IKBKB: variants seen among roughly 807,000 people sequenced by gnomAD.
The protein encoded by IKBKB is inhibitor of nuclear factor kappa-B kinase subunit beta.
Under a neutral mutation model 113.6 loss-of-function variants are expected in IKBKB, and 42 were observed. The observed-to-expected ratio is 0.37, with a 90% CI of 0.29 to 0.48. The LOEUF is 0.48. Among genes scored for constraint, IKBKB ranks in the 20% least tolerant of loss-of-function variants. The pLI is 0.99. For missense variants in IKBKB, 673 were observed against 939.7 expected, an observed-to-expected ratio of 0.72 and a Z score of 3.71; for synonymous variants, 296 against 361.3, an observed-to-expected ratio of 0.82 and a Z score of 2.05.
rs752596848 is a variant in IKBKB, at chr8:42,318,680, C to T, written c.1364+5C>T. 5.1e-6 allele frequency: 8 copies of T among 1,582,014 alleles called. No individual in the cohort carries two copies. Among genetic ancestry groups the T allele is most frequent in the Admixed American group, 3.8e-5 (2 of 52,480 alleles). ...GCAGGGACAGCGAGCCGCCATGTAG[C>T]GTGCCAGGCTTTTTTTTTAAACTTA... On this transcript the variant is annotated splice_donor_5th_base_variant and intron_variant, in intron 13 of 21. Transcript: ENST00000520810.
chr8:42,323,215 G>A lies in IKBKB; in HGVS notation c.1986+721G>A, dbSNP rs72641475. Among the ~76,000 whole-genome samples the A allele has an allele frequency of 3.2e-3, 480 of 152,344 alleles. 1 individual carries two copies. Among genetic ancestry groups the A allele is most frequent in the Non-Finnish European group, 5.3e-3 (363 of 68,036 alleles). ...TCTAAAGACGCTTTCTCCAAGTACG[G>A]TCACACTCACAGGCTCCAGGAGTTG... On this transcript the variant is annotated intron_variant, in intron 19 of 21. Coordinates refer to ENST00000520810, the MANE Select transcript of IKBKB (RefSeq NM_001556.3).
At chr8:42,329,312 T>C in intron 21 of IKBKB, 98 bp downstream of exon 21, 4 of 1,423,580 alleles carry the variant, frequency 2.8e-6, no homozygotes, top group Non-Finnish European at 3.7e-6. Context: ...ATCCTCAACC[T>C]CAGTGTTTGT....
Position 42,272,855 on chromosome 8 carries a change from G to A in IKBKB, c.105+650G>A, listed in dbSNP as rs534565357. ...CTTGGGAGGCTGAGGCAGGAGAATC[G>A]CTTGAACCCATGAGGCGGAGGTTGC... is the stretch of plus-strand genomic sequence containing the variant. On this transcript the variant is annotated intron_variant, in intron 2 of 21. Transcript: ENST00000520810. Among the ~76,000 whole-genome samples, 5 of 147,874 alleles carry A rather than the reference G, an allele frequency of 3.4e-5. No homozygotes were observed. In the East Asian group the frequency reaches 6.0e-4, roughly 18 times the overall value.
At position 42,321,918 on chromosome 8, in the gene IKBKB, T is replaced by C; in HGVS notation, c.1711T>C (p.Tyr571His). The stretch of plus-strand genomic sequence containing the variant: ...TAGAGAGGAGCAAGCAAGGGAGCTG[T>C]ACAGGAGACTAAGGGAAAAACCTCG... ...DDLEEQAREL[Y>H]RRLREKPRDQ... The change falls in exon 17 of 22, where the codon TAC becomes CAC. Residue 571 changes from tyrosine to histidine, a missense_variant. Transcript: ENST00000520810. 1 of 1,613,174 alleles carries C rather than the reference T, an allele frequency of 6.2e-7. No homozygotes were observed. Among genetic ancestry groups the C allele is most frequent in the Non-Finnish European group, 8.5e-7 (1 of 1,179,448 alleles).
In IKBKB at chr8:42,318,117, C is replaced by T. The variant is rs568906358; in HGVS notation, c.1240+346C>T. Among the ~76,000 whole-genome samples the T allele has an allele frequency of 2.2e-4, 34 of 152,086 alleles. No individual in the cohort carries two copies. In the South Asian group the frequency reaches 5.2e-3, roughly 23 times the overall value. ...AGTCTACTAAAAATTTAGAAATTAG[C>T]CAGATGTGGTGGTGCATGCCTGTAG... On this transcript the variant is annotated intron_variant, in intron 12 of 21. Coordinates refer to ENST00000520810, the MANE Select transcript of IKBKB (RefSeq NM_001556.3).
intron 4 of IKBKB, among the ~76,000 whole-genome samples, chr8:42,291,115 G>C (rs1468525578): frequency 1.3e-5 from 2 of 152,208 alleles, no homozygotes; most frequent in East Asian, 3.8e-4. Flanking sequence ...CCCAGCTGCA[G>C]GCCACCTCTC....
At position 42,320,579 on chromosome 8, in the gene IKBKB, G is replaced by T. The variant is rs535185770; in HGVS notation, c.1579-156G>T. 4 of 596,198 alleles carry T rather than the reference G, an allele frequency of 6.7e-6. No individual in the cohort carries two copies. In the Admixed American group the frequency reaches 9.1e-5, roughly 14 times the overall value. 36.9% of individuals were successfully genotyped at this position (596,198 alleles called of 1,614,324 possible). On this transcript the variant is annotated intron_variant, in intron 15 of 21. Coordinates refer to ENST00000520810, the MANE Select transcript of IKBKB (RefSeq NM_001556.3). ...AAAGCGGTGGACCCTAGATGCAGGC[G>T]CAGCCATTCAGACCCCACAGTCCAC...
intron 2 of IKBKB, among the ~76,000 whole-genome samples, chr8:42,282,370 T>C (rs1305077564): frequency 6.6e-6 from 1 of 152,104 alleles, no homozygotes; most frequent in Non-Finnish European, 1.5e-5. Context: ...GCCTGGCTAG[T>C]TTTTAAAAAT....
rs116402925 is a variant in IKBKB, at chr8:42,293,104, C to T, written c.319-339C>T. On this transcript the variant is annotated intron_variant, in intron 4 of 21. Transcript: ENST00000520810. The stretch of plus-strand genomic sequence containing the variant: ...CCCAGCCTGGCCCGTCTCTAGGACT[C>T]TCATGCACAGAGAATTCCTATTTCC... Among the ~76,000 whole-genome samples, 545 of 152,278 alleles carry T rather than the reference C, an allele frequency of 3.6e-3. 6 individuals are homozygous for T. Among genetic ancestry groups the T allele is most frequent in the African/African-American group, 0.012 (504 of 41,568 alleles).
At chr8:42,313,112 A>C (rs761699607) in intron 8 of IKBKB, among the ~76,000 whole-genome samples, 1 of 152,188 alleles carries the variant, frequency 6.6e-6, no homozygotes, top group Admixed American at 6.5e-5. Context: ...GTATTATTCA[A>C]ATTTACTCTT....
At chr8:42,325,856 G>A in intron 19 of IKBKB, 114 bp from the exon 20 acceptor site, 1 of 1,546,554 alleles carries the variant, frequency 6.5e-7, no homozygotes, top group Non-Finnish European at 8.7e-7. Context: ...TAGGCTGTAG[G>A]GTTAGCTCTG....
intron 9 of IKBKB, among the ~76,000 whole-genome samples, chr8:42,315,530 G>A (rs993163086): frequency 6.6e-6 from 1 of 152,146 alleles, no homozygotes; most frequent in African/African-American, 2.4e-5. Context: ...CCAGGGGAAG[G>A]AGTTTGGAGT....
At chr8:42,304,719 C>A (rs1189681836) in intron 5 of IKBKB, among the ~76,000 whole-genome samples, 1 of 152,204 alleles carries the variant, frequency 6.6e-6, no homozygotes, top group Non-Finnish European at 1.5e-5. Context: ...AAGGGCCCTT[C>A]CTCCTTGCCC....
At chr8:42,290,318 T>G (rs779685037) in intron 4 of IKBKB, 45 bp downstream of exon 4, 1 of 1,367,478 alleles carries the variant, frequency 7.3e-7, no homozygotes, top group Non-Finnish European at 1.0e-6. Context: ...TCTGGGCAGG[T>G]GGGACACCAG....
At position 42,271,323 on chromosome 8, in the gene IKBKB, T is replaced by C. The variant is rs1216070696; in HGVS notation, c.-165T>C. 1.9e-6 allele frequency: 2 copies of C among 1,035,968 alleles called. No homozygotes were observed. Among genetic ancestry groups the C allele is most frequent in the South Asian group, 1.3e-5 (1 of 74,266 alleles). 64.2% of individuals were successfully genotyped at this position (1,035,968 alleles called of 1,614,324 possible). ...CTCCGTGACGTCAGAGCAGGAAGTG[T>C]TTGAGGAAGTCGCGCCGCGCTGCCC... On this transcript the variant is annotated 5_prime_UTR_variant, in exon 1 of 22. Coordinates refer to ENST00000520810, the MANE Select transcript of IKBKB (RefSeq NM_001556.3).
chr8:42,320,693 C>A, intron 15 of IKBKB, 42 bp from the exon 16 acceptor site: 1 of 1,514,250 alleles, frequency 6.6e-7, no homozygotes, highest in Non-Finnish European at 9.2e-7. Context: ...TCTCAGCATG[C>A]GCCTACCACA....
intron 4 of IKBKB, among the ~76,000 whole-genome samples, chr8:42,291,885 T>C (rs983877344): frequency 3.3e-5 from 5 of 152,086 alleles, no homozygotes; most frequent in African/African-American, 1.2e-4. Flanking sequence ...TGAGCTATGA[T>C]TGTGCCACTG....
intron 20 of IKBKB, among the ~76,000 whole-genome samples, chr8:42,327,494 C>T (rs1454528302): frequency 6.6e-5 from 10 of 151,628 alleles, no homozygotes; most frequent in South Asian, 2.1e-4. Context: ...CCACCACAAC[C>T]GGCTGATTTT....
rs570706709 is a variant in IKBKB at position 42,295,928 on chromosome 8, T to C, written c.388+2416T>C. Among the ~76,000 whole-genome samples the C allele has an allele frequency of 1.2e-3, 187 of 152,352 alleles. 3 individuals are homozygous for C. In the Middle Eastern group the frequency reaches 0.024, roughly 19 times the overall value. On this transcript the variant is annotated intron_variant, in intron 5 of 21. Coordinates refer to ENST00000520810, the MANE Select transcript of IKBKB (RefSeq NM_001556.3). ...TTTATTCAAATTGTGTGCATGTATG[T>C]ATTTAAGTTACACATAAATTAGAAT... is the stretch of plus-strand genomic sequence containing the variant.
Sources: allele counts gnomAD v4.1 joint callset (sites outside exome capture counted in the v4.1 genomes callset), GRCh38; gene constraint gnomAD v4.1.1; transcripts MANE v1.5; gene names NCBI Gene and HGNC (gene_info 2026-07-23, HGNC 2026-07-21).